OLFM3: variants seen among roughly 807,000 people sequenced by gnomAD.
OLFM3 encodes the protein noelin-3.
In OLFM3, 20 loss-of-function variants were observed where a neutral mutation model predicts 48.6. That is an observed-to-expected ratio of 0.41 (90% CI 0.29 to 0.60). The LOEUF is 0.60. OLFM3 is among the 20% of genes least tolerant of loss of function. The probability of loss-of-function intolerance (pLI) is 0.28; values close to 1 mark genes in which losing one functional copy is unlikely to be tolerated. For synonymous variants in OLFM3, 222 were observed against 198.1 expected (o/e 1.12, Z -1.01); for missense variants, 437 against 544.3 (o/e 0.80, Z 1.96).
At chr1:101,816,547 T>C (rs1222114548) in intron 4 of OLFM3, among the ~76,000 whole-genome samples, 1 of 152,190 alleles carries the variant, frequency 6.6e-6, no homozygotes, top group East Asian at 1.9e-4. Flanking sequence ...GAGTGGTATA[T>C]TCCATCCAGG....
rs948490285 is a variant in OLFM3 at position 101,830,817 on chromosome 1, A to G, written c.227T>C (p.Met76Thr). 9.3e-6 allele frequency: 15 copies of G among 1,613,692 alleles called. No homozygotes were observed. Among genetic ancestry groups the G allele is most frequent in the Non-Finnish European group, 1.3e-5 (15 of 1,179,758 alleles). ...GTTTAAGACTTCAATAGACTGGGAC[A>G]TGTTCTGAACCTGTTGAACAAGAAT... The part of the protein sequence containing the change: ...LRQLLEKVQN[M>T]SQSIEVLNLR... Residue 76 changes from methionine (M) to threonine (T), a missense_variant, in exon 3 of 6, where the codon ATG becomes ACG. Physicochemically the swap from Met to Thr is moderately conservative, Grantham distance 81. Around this residue, in one of 3 missense-constraint regions of OLFM3, gnomAD observed 314 missense variants for 365.5 expected, o/e 0.86. Transcript: ENST00000370103.
chr1:101,882,108 T>TACAC (rs919416402), intron 1 of OLFM3, among the ~76,000 whole-genome samples: 4 of 148,406 alleles, frequency 2.7e-5, no homozygotes, highest in Admixed American at 1.3e-4. Flanking sequence ...CACACACACA[T>TACAC]ACACACACAC....
At chr1:101,831,362 C>T (rs1041297925) in intron 2 of OLFM3, among the ~76,000 whole-genome samples, 1 of 152,112 alleles carries the variant, frequency 6.6e-6, no homozygotes, top group Non-Finnish European at 1.5e-5. Flanking sequence ...CTAGAACACT[C>T]CCTAAATTGG....
In OLFM3 at chr1:101,806,057, G is replaced by A. The variant is rs368510271; in HGVS notation, c.699+19C>T. The A allele has an allele frequency of 8.3e-6, 13 of 1,563,730 alleles. No homozygotes were observed. The highest frequency in any genetic ancestry group is 5.0e-5 in the Admixed American group (3 of 59,714). On this transcript the variant is annotated intron_variant, in intron 5 of 5. Transcript: ENST00000370103. ...GCAGAACTTAATTCTAAGCAAAGGT[G>A]TTTGTGGGAGAAACATACTCTGTTG...
At chr1:101,806,886 A>G (rs2100861317) in intron 4 of OLFM3, among the ~76,000 whole-genome samples, 1 of 151,928 alleles carries the variant, frequency 6.6e-6, no homozygotes, top group Middle Eastern at 3.4e-3. Context: ...ACTTTAATGA[A>G]AAAAGTTGTA....
chr1:101,824,928 A>C, intron 4 of OLFM3, 98 bp downstream of exon 4: 2 of 1,039,762 alleles, frequency 1.9e-6, no homozygotes, highest in Non-Finnish European at 2.8e-6. Context: ...ATTTCTTTAC[A>C]ATTAGATATT....
intron 4 of OLFM3, among the ~76,000 whole-genome samples, chr1:101,815,859 G>C (rs996768903): frequency 6.6e-6 from 1 of 152,192 alleles, no homozygotes; most frequent in African/African-American, 2.4e-5. Context: ...TTAGCATAAT[G>C]ATGACAGTGA....
At chr1:101,870,721 T>C (rs1657047084) in intron 1 of OLFM3, among the ~76,000 whole-genome samples, 1 of 152,090 alleles carries the variant, frequency 6.6e-6, no homozygotes, top group African/African-American at 2.4e-5. Flanking sequence ...TCTTTTTTTT[T>C]CACAGTGGCT....
intron 1 of OLFM3, among the ~76,000 whole-genome samples, chr1:101,880,385 T>A (rs548820516): frequency 1.3e-5 from 2 of 151,986 alleles, no homozygotes; most frequent in East Asian, 3.9e-4. Context: ...TTTAAGATGC[T>A]GAGTATTTCA....
rs190040337 is a variant in OLFM3, at chr1:101,804,200, T to C, written c.*38A>G. 6.6e-5 allele frequency: 97 copies of C among 1,459,324 alleles called. No individual in the cohort carries two copies. In the East Asian group the frequency reaches 2.2e-3, roughly 33 times the overall value. 90.4% of individuals were successfully genotyped at this position (1,459,324 alleles called of 1,614,324 possible). A position where few individuals can be genotyped will look rare whatever the true frequency, so the allele number is the denominator to read the frequency against. The stretch of plus-strand genomic sequence containing the variant: ...GGGGTCTTATAGAGTTTATCACAAA[T>C]CACACTGTTTAAATCAATGAAAACA... On this transcript the variant is annotated 3_prime_UTR_variant, in exon 6 of 6. Coordinates refer to ENST00000370103, the MANE Select transcript of OLFM3 (RefSeq NM_058170.4). This position sits in a 1 kb window ranked among gnomAD's most constrained non-coding sequence, Gnocchi z 4.5.
intron 1 of OLFM3, among the ~76,000 whole-genome samples, chr1:101,971,002 T>C (rs1332917365): frequency 6.6e-6 from 1 of 152,252 alleles, no homozygotes; most frequent in African/African-American, 2.4e-5. Context: ...TGAAAGCCTC[T>C]ATATGCCATA....
At chr1:101,972,641 G>A (rs1660836723) in intron 1 of OLFM3, among the ~76,000 whole-genome samples, 2 of 152,186 alleles carry the variant, frequency 1.3e-5, no homozygotes, top group South Asian at 4.1e-4. Context: ...AACTTACAGT[G>A]CTTTGAAGCA....
At chr1:101,935,229 T>A (rs1298801911) in intron 1 of OLFM3, among the ~76,000 whole-genome samples, 1 of 148,312 alleles carries the variant, frequency 6.7e-6, no homozygotes, top group Non-Finnish European at 1.5e-5. Context: ...GACCACTAAC[T>A]AGACTAATGA....
chr1:101,915,460 A>G (rs1050078493), intron 1 of OLFM3, among the ~76,000 whole-genome samples: 1 of 152,134 alleles, frequency 6.6e-6, no homozygotes, highest in Non-Finnish European at 1.5e-5. Context: ...GAAACAATGA[A>G]GCACTTTATC....
intron 1 of OLFM3, among the ~76,000 whole-genome samples, chr1:101,931,635 G>A (rs969434551): frequency 6.6e-6 from 1 of 152,212 alleles, no homozygotes; most frequent in African/African-American, 2.4e-5. Context: ...TAGCTATACT[G>A]AGCAGATGCC....
At chr1:101,862,993 GTTT>G (rs5776596) in intron 1 of OLFM3, among the ~76,000 whole-genome samples, 2 of 142,466 alleles carry the variant, frequency 1.4e-5, no homozygotes, top group East Asian at 2.0e-4. Context: ...TATGTAATTA[GTTT>G]TTTTTTTTTT....
chr1:101,879,696 A>G (rs952025359), intron 1 of OLFM3, among the ~76,000 whole-genome samples: 2 of 151,860 alleles, frequency 1.3e-5, no homozygotes, highest in Admixed American at 6.6e-5. Flanking sequence ...GTAATTCTGA[A>G]TAGCAAATAA....
intron 1 of OLFM3, among the ~76,000 whole-genome samples, chr1:101,919,162 T>G (rs1659016383): frequency 6.6e-6 from 1 of 152,200 alleles, no homozygotes; most frequent in Non-Finnish European, 1.5e-5. Context: ...CGCTGACTTG[T>G]AAAACAATGA....
chr1:101,988,408 G>C (rs1661310233), intron 1 of OLFM3, among the ~76,000 whole-genome samples: 1 of 152,130 alleles, frequency 6.6e-6, no homozygotes, highest in Admixed American at 6.5e-5. Flanking sequence ...ACTGAGGATA[G>C]TGGGGTGTGC....
Sources: gnomAD v4.1 joint callset for allele counts (sites outside exome capture counted in the v4.1 genomes callset) on GRCh38, gnomAD v4.1.1 for gene constraint, gnomAD v4.1.1 regional missense constraint, Gnocchi (gnomAD v3.1) non-coding constraint, MANE v1.5 for transcripts, NCBI Gene and HGNC (gene_info 2026-07-23, HGNC 2026-07-21) for gene names.